Variants in SMNDC1 observed in about 807,000 individuals in gnomAD.
The protein encoded by SMNDC1 is survival motor neuron domain containing 1.
A neutral mutation model predicts 29.2 loss-of-function variants in SMNDC1; 5 were observed. The observed-to-expected ratio is 0.17, with a 90% CI of 0.09 to 0.36. The LOEUF is 0.36. Among genes scored for constraint, SMNDC1 ranks in the 10% least tolerant of loss-of-function variants. The pLI, the probability that SMNDC1 is intolerant of heterozygous loss-of-function variation, is 1.00. For missense variants in SMNDC1, 142 were observed against 268.5 expected (o/e 0.53, Z 3.29); for synonymous variants, 80 against 89.9 (o/e 0.89, Z 0.62).
chr10:110,302,149 G>C (rs757823024), intron 2 of SMNDC1, among the ~76,000 whole-genome samples: 8 of 152,174 alleles, frequency 5.3e-5, no homozygotes, highest in Non-Finnish European at 5.9e-5. Flanking sequence ...GAAAATAAGA[G>C]GTCGGTGTGC....
At chr10:110,296,240 A>G (rs1857560815) in intron 4 of SMNDC1, among the ~76,000 whole-genome samples, 1 of 152,190 alleles carries the variant, frequency 6.6e-6, no homozygotes, top group Non-Finnish European at 1.5e-5. Flanking sequence ...CAGAGCCTAA[A>G]ACCCCCAATA....
chr10:110,304,318 C>T (rs1857706448), intron 1 of SMNDC1: 1 of 152,274 alleles, frequency 6.6e-6, no homozygotes, highest in South Asian at 2.1e-4. Flanking sequence ...CCCGTCCAAC[C>T]AAAGGCTGGG....
intron 4 of SMNDC1, among the ~76,000 whole-genome samples, chr10:110,296,933 T>C (rs182312941): frequency 6.6e-6 from 1 of 152,326 alleles, no homozygotes; most frequent in African/African-American, 2.4e-5. Context: ...GTTTGAATCC[T>C]CACAACCCAA....
Position 110,291,477 on chromosome 10 carries a change from T to C in SMNDC1, c.*2673A>G, listed in dbSNP as rs1167295855. 1 of 152,248 alleles carries C rather than the reference T, an allele frequency of 6.6e-6. No homozygotes were observed. The highest frequency in any genetic ancestry group is 2.4e-5 in the African/African-American group (1 of 41,472). 9.4% of individuals were successfully genotyped at this position (152,248 alleles called of 1,614,324 possible). A position where few individuals can be genotyped will look rare whatever the true frequency, so the allele number is the denominator to read the frequency against. The stretch of plus-strand genomic sequence containing the variant: ...CAATGGGTATTGTTATCCATTGTAA[T>C]GTGGATTGCTATTCAAGTTAAGGAA... On this transcript the variant is annotated 3_prime_UTR_variant, in exon 6 of 6. Coordinates refer to ENST00000369603, the MANE Select transcript of SMNDC1 (RefSeq NM_005871.4).
Position 110,293,584 on chromosome 10 carries a change from C to G in SMNDC1, c.*566G>C, listed in dbSNP as rs1213062615. ...GTACATAAAAATAAAACAGCTAGAT[C>G]AATTTTAGAGATGGCCTAATAGGCC... is the stretch of plus-strand genomic sequence containing the variant. On this transcript the variant is annotated 3_prime_UTR_variant, in exon 6 of 6. Transcript: ENST00000369603. The G allele has an allele frequency of 2.6e-5, 4 of 152,146 alleles. No homozygotes were observed. Among genetic ancestry groups the G allele is most frequent in the Non-Finnish European group, 5.9e-5 (4 of 67,992 alleles). 9.4% of individuals were successfully genotyped at this position (152,146 alleles called of 1,614,324 possible).
intron 5 of SMNDC1, 137 bp downstream of exon 5, chr10:110,295,091 G>A (rs1378746969): frequency 2.9e-6 from 2 of 680,838 alleles, no homozygotes; most frequent in African/African-American, 1.9e-5. Flanking sequence ...AAGTTAAATT[G>A]AGCATCAACA....
chr10:110,304,161 A>G (rs1857702593), intron 1 of SMNDC1: 2 of 152,260 alleles, frequency 1.3e-5, no homozygotes, highest in Admixed American at 6.5e-5. Context: ...CAGCACAGGT[A>G]CTCTCCCATT....
intron 2 of SMNDC1, among the ~76,000 whole-genome samples, chr10:110,302,370 G>C (rs147175797): frequency 6.6e-6 from 1 of 152,286 alleles, no homozygotes; most frequent in African/African-American, 2.4e-5. Context: ...AATTAACCCA[G>C]ATAGTTTGTG....
In SMNDC1 at chr10:110,292,056, T is replaced by C. The variant is rs1302975760; in HGVS notation, c.*2094A>G. ...TCAAGGTTTATATTTTGTTTCAGAA[T>C]ATAGAGAGCTTAACCACCTTCAACT... On this transcript the variant is annotated 3_prime_UTR_variant, in exon 6 of 6. Coordinates refer to ENST00000369603, the MANE Select transcript of SMNDC1 (RefSeq NM_005871.4). 1 of 152,220 alleles carries C rather than the reference T, an allele frequency of 6.6e-6. No individual in the cohort carries two copies. The highest frequency in any genetic ancestry group is 1.5e-5 in the Non-Finnish European group (1 of 68,038). 9.4% of individuals were successfully genotyped at this position (152,220 alleles called of 1,614,324 possible). A position where few individuals can be genotyped will look rare whatever the true frequency, so the allele number is the denominator to read the frequency against.
chr10:110,294,422 T>C (rs1341726860), intron 5 of SMNDC1, 135 bp from the exon 6 acceptor site: 6 of 713,686 alleles, frequency 8.4e-6, no homozygotes, highest in Non-Finnish European at 1.3e-5. Flanking sequence ...TGTTTAGTGT[T>C]AAAAAATGGG....
At chr10:110,301,404 A>G (rs1448886724) in intron 2 of SMNDC1, among the ~76,000 whole-genome samples, 3 of 152,248 alleles carry the variant, frequency 2.0e-5, no homozygotes, top group African/African-American at 7.2e-5. Context: ...AGTAGTTTTC[A>G]ATTCAAAATA....
At chr10:110,294,446 C>T (rs1205338171) in intron 5 of SMNDC1, among the ~76,000 whole-genome samples, 159 bp from the exon 6 acceptor site, 2 of 152,060 alleles carry the variant, frequency 1.3e-5, no homozygotes, top group Middle Eastern at 3.2e-3. Flanking sequence ...AGAAGTGGTC[C>T]CATGCTGGAA....
rs971806176 is a variant in SMNDC1 at position 110,291,781 on chromosome 10, A to G, written c.*2369T>C. Reference sequence around the variant, plus strand: ...CTGTGGCCTCCCTACATGTTAATTAAAATAGCACTTGTTACCTGTGATTAC... The same window carrying G: ...CTGTGGCCTCCCTACATGTTAATTAGAATAGCACTTGTTACCTGTGATTAC... On this transcript the variant is annotated 3_prime_UTR_variant, in exon 6 of 6. Transcript: ENST00000369603. 6.6e-6 allele frequency: 1 copy of G among 152,240 alleles called. No individual in the cohort carries two copies. The highest frequency in any genetic ancestry group is 2.4e-5 in the African/African-American group (1 of 41,472). The allele number at this position is 152,240 out of a possible 1,614,324, so 9.4% of individuals were successfully genotyped here. A position where few individuals can be genotyped will look rare whatever the true frequency, so the allele number is the denominator to read the frequency against.
At chr10:110,296,840 G>A (rs1409984392) in intron 4 of SMNDC1, among the ~76,000 whole-genome samples, 2 of 151,900 alleles carry the variant, frequency 1.3e-5, no homozygotes, top group East Asian at 1.9e-4. Context: ...TTACTTGTAC[G>A]TGCTCACCTC....
intron 5 of SMNDC1, among the ~76,000 whole-genome samples, chr10:110,294,985 T>C (rs1368920874): frequency 2.6e-5 from 4 of 152,232 alleles, no homozygotes; most frequent in African/African-American, 9.6e-5. Flanking sequence ...TATTAGTTTA[T>C]AGAAGGAAAA....
chr10:110,298,565 G>T, intron 3 of SMNDC1, 83 bp downstream of exon 3: 2 of 1,115,860 alleles, frequency 1.8e-6, no homozygotes, highest in Non-Finnish European at 1.3e-6. Flanking sequence ...ATTAAAATAG[G>T]GTAGTTAAAA....
chr10:110,297,466 C>G (rs1590427340), intron 4 of SMNDC1, 101 bp downstream of exon 4: 1 of 1,067,488 alleles, frequency 9.4e-7, no homozygotes, highest in Non-Finnish European at 1.4e-6. Context: ...AACGGTAAAA[C>G]AGTATTACAA....
Position 110,293,681 on chromosome 10 carries a change from T to TAA in SMNDC1, c.*467_*468dup, listed in dbSNP as rs1248430424. 3 of 152,280 alleles carry TAA rather than the reference T, an allele frequency of 2.0e-5. No homozygotes were observed. In the East Asian group the frequency reaches 5.8e-4, roughly 29 times the overall value. The allele number at this position is 152,280 out of a possible 1,614,324, so 9.4% of individuals were successfully genotyped here. Reference sequence around the variant, plus strand: ...TTACAAATTAACCTATCTTTAAGCTTAACTGAACGACAGCTAAGTTTTAAA... The same window carrying TAA: ...TTACAAATTAACCTATCTTTAAGCTTAAAACTGAACGACAGCTAAGTTTTAAA... On this transcript the variant is annotated 3_prime_UTR_variant, in exon 6 of 6. Coordinates refer to ENST00000369603, the MANE Select transcript of SMNDC1 (RefSeq NM_005871.4).
chr10:110,297,234 T>C lies in SMNDC1; in HGVS notation c.425+333A>G, dbSNP rs574616459. 8.5e-4 allele frequency among the ~76,000 whole-genome samples: 130 copies of C among 152,250 alleles called. 2 individuals are homozygous for C. The highest frequency in any genetic ancestry group is 5.2e-3 in the South Asian group (25 of 4,826). On this transcript the variant is annotated intron_variant, in intron 4 of 5. Coordinates refer to ENST00000369603, the MANE Select transcript of SMNDC1 (RefSeq NM_005871.4). The stretch of plus-strand genomic sequence containing the variant: ...ATTAAAGCACTTCATTAATGATGAG[T>C]TTTCTTCTCTAAATATAAACTCAGT...
Sources: allele counts gnomAD v4.1 joint callset (sites outside exome capture counted in the v4.1 genomes callset), GRCh38; gene constraint gnomAD v4.1.1; transcripts MANE v1.5; gene names NCBI Gene and HGNC (gene_info 2026-07-23, HGNC 2026-07-21).